RASGRF2: variants seen among roughly 807,000 people sequenced by gnomAD.
RASGRF2 encodes the protein Ras protein specific guanine nucleotide releasing factor 2, also known as ras-specific guanine nucleotide-releasing factor 2.
RASGRF2 carries 76 observed loss-of-function variants against 151.0 expected under a neutral mutation model. That is an observed-to-expected ratio of 0.50 (90% CI 0.42 to 0.61). RASGRF2 has a LOEUF of 0.61. Ranked by LOEUF, RASGRF2 falls within the 20% of genes least tolerant of loss-of-function variation. RASGRF2 has a pLI of 0.00. For missense variants in RASGRF2, 1,148 were observed against 1,564.6 expected, an observed-to-expected ratio of 0.73 and a Z score of 4.49; for synonymous variants, 504 against 566.5, an observed-to-expected ratio of 0.89 and a Z score of 1.57.
rs570930523 is a variant in RASGRF2, at chr5:81,173,632, T to C, written c.2687-6543T>C. 6.6e-5 allele frequency among the ~76,000 whole-genome samples: 10 copies of C among 152,328 alleles called. No homozygotes were observed. In the South Asian group the frequency reaches 2.1e-3, roughly 32 times the overall value. ...TTTTCAGTTTACTAGATGTGTAACC[T>C]TAAACAAGTTACTTAACCTCATCAT... On this transcript the variant is annotated intron_variant, in intron 17 of 26. Coordinates refer to ENST00000265080, the MANE Select transcript of RASGRF2 (RefSeq NM_006909.3).
chr5:81,003,554 G>A (rs1749166659), intron 1 of RASGRF2, among the ~76,000 whole-genome samples: 1 of 152,098 alleles, frequency 6.6e-6, no homozygotes, highest in South Asian at 2.1e-4. Flanking sequence ...TAGAGATGGA[G>A]TTTTGCCATG....
chr5:81,141,964 T>C (rs1753895196), intron 17 of RASGRF2, among the ~76,000 whole-genome samples: 2 of 152,254 alleles, frequency 1.3e-5, no homozygotes. Flanking sequence ...GTCACATATA[T>C]ACTCTGCTGT....
At chr5:81,025,229 G>T (rs748569355) in intron 1 of RASGRF2, among the ~76,000 whole-genome samples, 10 of 152,204 alleles carry the variant, frequency 6.6e-5, no homozygotes, top group Non-Finnish European at 1.5e-4. Flanking sequence ...GGCTTTCTCA[G>T]GTGTGGCCAA....
intron 1 of RASGRF2, among the ~76,000 whole-genome samples, chr5:80,962,036 T>C (rs1216357732): frequency 6.6e-6 from 1 of 152,232 alleles, no homozygotes; most frequent in African/African-American, 2.4e-5. Flanking sequence ...AGACAGCATC[T>C]ACCGCACACC....
At chr5:81,007,252 C>T (rs896044438) in intron 1 of RASGRF2, among the ~76,000 whole-genome samples, 10 of 152,172 alleles carry the variant, frequency 6.6e-5, no homozygotes, top group Non-Finnish European at 1.0e-4. Context: ...TTTCATAATG[C>T]TCAAAAAGTT....
At chr5:81,103,027 C>T (rs1752742623) in intron 12 of RASGRF2, among the ~76,000 whole-genome samples, 1 of 151,998 alleles carries the variant, frequency 6.6e-6, no homozygotes, top group South Asian at 2.1e-4. Context: ...CATAAAATAA[C>T]AAGGCTTAAA....
Position 81,108,832 on chromosome 5 carries a change from C to CTGTGTGTG in RASGRF2, c.1756-163_1756-162insGTGTGTGT, listed in dbSNP as rs200586966. Among the ~76,000 whole-genome samples, 334 of 115,494 alleles carry CTGTGTGTG rather than the reference C, an allele frequency of 2.9e-3. 7 individuals carry two copies. The highest frequency in any genetic ancestry group is 4.3e-3 in the Middle Eastern group (1 of 234). The allele number at this position is 115,494 out of a possible 152,430, so 75.8% of individuals were successfully genotyped here. A position where few individuals can be genotyped will look rare whatever the true frequency, so the allele number is the denominator to read the frequency against. ...TTCATCAGTGTATAATATTTACCTACTCTGTGTGTGTGTGTGTGTGTGTGT... is the reference window on the plus strand; with the variant it reads ...TTCATCAGTGTATAATATTTACCTACTGTGTGTGTCTGTGTGTGTGTGTGTGTGTGTGT... On this transcript the variant is annotated intron_variant, in intron 12 of 26. Transcript: ENST00000265080.
chr5:81,095,400 G>A (rs1752519409), intron 12 of RASGRF2, among the ~76,000 whole-genome samples: 1 of 152,146 alleles, frequency 6.6e-6, no homozygotes, highest in African/African-American at 2.4e-5. Context: ...AGGAAATCAT[G>A]AATTAAAGAA....
At chr5:81,096,037 C>G (rs998463746) in intron 12 of RASGRF2, 3 of 152,170 alleles carry the variant, frequency 2.0e-5, no homozygotes, top group African/African-American at 7.2e-5. Context: ...AGCTGCTCAG[C>G]TGCATTGAGT....
intron 17 of RASGRF2, among the ~76,000 whole-genome samples, chr5:81,168,917 T>G (rs1183419813): frequency 7.2e-5 from 11 of 152,212 alleles, no homozygotes; most frequent in Non-Finnish European, 5.9e-5. Flanking sequence ...GAGACTAATG[T>G]GCCTGGGTTT....
chr5:81,185,196 A>C (rs1483852343), intron 18 of RASGRF2, among the ~76,000 whole-genome samples: 1 of 152,218 alleles, frequency 6.6e-6, no homozygotes, highest in Non-Finnish European at 1.5e-5. Flanking sequence ...TAAGTTCCCT[A>C]CCACTATGGG....
intron 17 of RASGRF2, among the ~76,000 whole-genome samples, chr5:81,160,390 C>T (rs1044603968): frequency 6.6e-6 from 1 of 151,950 alleles, no homozygotes; most frequent in Admixed American, 6.6e-5. Flanking sequence ...CACTGCACTC[C>T]GGCCTGGGAG....
At chr5:81,051,430 C>T (rs543875262) in intron 2 of RASGRF2, among the ~76,000 whole-genome samples, 35 of 152,240 alleles carry the variant, frequency 2.3e-4, no homozygotes, top group East Asian at 1.9e-4. Flanking sequence ...CCACTAATTT[C>T]GGAGCATTTT....
intron 18 of RASGRF2, among the ~76,000 whole-genome samples, chr5:81,190,346 T>C (rs1370307542): frequency 2.6e-5 from 4 of 152,168 alleles, no homozygotes; most frequent in Admixed American, 2.6e-4. Flanking sequence ...AACAGATGCC[T>C]TAGGCGTCAC....
At chr5:81,198,516 G>A (rs1261210905) in intron 18 of RASGRF2, among the ~76,000 whole-genome samples, 1 of 151,426 alleles carries the variant, frequency 6.6e-6, no homozygotes, top group Non-Finnish European at 1.5e-5. Flanking sequence ...CTTGGCTCAC[G>A]GCAAGCTCCG....
At chr5:81,026,309 ACTTT>A (rs908879164) in intron 1 of RASGRF2, among the ~76,000 whole-genome samples, 8 of 141,946 alleles carry the variant, frequency 5.6e-5, no homozygotes, top group African/African-American at 2.1e-4. Flanking sequence ...AGTGAAGGAG[ACTTT>A]CTTTCTATCT....
At chr5:81,114,526 A>G (rs1404895983) in intron 15 of RASGRF2, among the ~76,000 whole-genome samples, 1 of 152,210 alleles carries the variant, frequency 6.6e-6, no homozygotes, top group East Asian at 1.9e-4. Flanking sequence ...TGATTAGGTC[A>G]TAGGGTTTCT....
intron 26 of RASGRF2, among the ~76,000 whole-genome samples, chr5:81,223,636 G>C (rs1350645389): frequency 5.3e-5 from 8 of 150,594 alleles, no homozygotes; most frequent in Admixed American, 4.0e-4. Flanking sequence ...GCGAGACTCC[G>C]TCTCAGAAAA....
chr5:81,157,555 A>G (rs945979275), intron 17 of RASGRF2, among the ~76,000 whole-genome samples: 11 of 152,178 alleles, frequency 7.2e-5, no homozygotes, highest in Non-Finnish European at 1.3e-4. Context: ...TGAAAATACC[A>G]ATAGCCTTTG....
Sources: gnomAD v4.1 joint callset for allele counts (sites outside exome capture counted in the v4.1 genomes callset) on GRCh38, gnomAD v4.1.1 for gene constraint, MANE v1.5 for transcripts, NCBI Gene and HGNC (gene_info 2026-07-23, HGNC 2026-07-21) for gene names.